Variants in PCSK2 observed in about 807,000 individuals in gnomAD.
PCSK2 encodes the protein neuroendocrine convertase 2.
A neutral mutation model predicts 69.7 loss-of-function variants in PCSK2; 14 were observed. The observed-to-expected ratio is 0.20, with a 90% CI of 0.13 to 0.31. PCSK2 has a LOEUF of 0.31. PCSK2 is among the 10% of genes least tolerant of loss of function. PCSK2 has a pLI of 1.00. For missense variants in PCSK2, 544 were observed against 842.5 expected (o/e 0.65, Z 4.39); for synonymous variants, 307 against 320.7 (o/e 0.96, Z 0.46).
At chr20:17,448,522 T>C (rs1426764628) in intron 8 of PCSK2, among the ~76,000 whole-genome samples, 1 of 152,184 alleles carries the variant, frequency 6.6e-6, no homozygotes, top group Non-Finnish European at 1.5e-5. Context: ...AAGTTCCAAC[T>C]CACTGCTCTC....
chr20:17,433,262 G>C (rs901380096), intron 7 of PCSK2, among the ~76,000 whole-genome samples: 7 of 152,112 alleles, frequency 4.6e-5, no homozygotes, highest in African/African-American at 1.7e-4. Context: ...ATTATTATTG[G>C]CCAATGAATC....
At chr20:17,333,910 C>CATATATATATATATATATCTAT (rs1990271673) in intron 2 of PCSK2, among the ~76,000 whole-genome samples, 1 of 86,372 alleles carries the variant, frequency 1.2e-5, no homozygotes, top group South Asian at 4.9e-4. Flanking sequence ...TAAGTCACTG[C>CATATATATATATATATATCTAT]ATATATATAT....
chr20:17,277,798 GA>G (rs1988146270), intron 2 of PCSK2, among the ~76,000 whole-genome samples: 1 of 151,860 alleles, frequency 6.6e-6, no homozygotes, highest in Admixed American at 6.6e-5. Flanking sequence ...CAGAATGGGA[GA>G]AAATTTTTGC....
At chr20:17,365,609 G>A (rs984325444) in intron 4 of PCSK2, among the ~76,000 whole-genome samples, 3 of 152,108 alleles carry the variant, frequency 2.0e-5, no homozygotes, top group Admixed American at 6.6e-5. Context: ...CTCAAGGTAC[G>A]ATTCATCCTG....
intron 8 of PCSK2, among the ~76,000 whole-genome samples, chr20:17,437,917 G>T (rs1008568118): frequency 6.6e-6 from 1 of 152,158 alleles, no homozygotes. Flanking sequence ...CTTGCCACGC[G>T]TGGCACAGCT....
chr20:17,409,234 G>C (rs2031818890), intron 5 of PCSK2, 29 bp from the exon 6 acceptor site: 1 of 1,584,020 alleles, frequency 6.3e-7, no homozygotes, highest in African/African-American at 1.3e-5. Context: ...TGGCTGTACG[G>C]ACCTAATGAG....
rs1286578961 is a variant in PCSK2 at position 17,248,990 on chromosome 20, TA to T, written c.178-11243del. 2.0e-5 allele frequency among the ~76,000 whole-genome samples: 3 copies of T among 151,988 alleles called. No individual in the cohort carries two copies. The East Asian group carries it at 5.8e-4, about 29-fold the overall frequency. On this transcript the variant is annotated intron_variant, in intron 1 of 11. Coordinates refer to ENST00000262545, the MANE Select transcript of PCSK2 (RefSeq NM_002594.5). ...ACCCCCTGAGCCACAGTGTCTTCTC[TA>T]AAAAAATGAGGCAGCTAGACCAAGC...
intron 11 of PCSK2, chr20:17,478,992 C>T (rs2033341481): frequency 1.3e-6 from 1 of 744,626 alleles, no homozygotes. Context: ...ATATTGCACA[C>T]TTGTCATCTA....
At chr20:17,418,744 G>A (rs960992187) in intron 6 of PCSK2, among the ~76,000 whole-genome samples, 1 of 152,146 alleles carries the variant, frequency 6.6e-6, no homozygotes, top group Non-Finnish European at 1.5e-5. Flanking sequence ...CATCCCACAG[G>A]TTCTTCAGGT....
intron 11 of PCSK2, among the ~76,000 whole-genome samples, chr20:17,478,675 C>T (rs2033335259): frequency 6.6e-6 from 1 of 152,162 alleles, no homozygotes; most frequent in Non-Finnish European, 1.5e-5. Flanking sequence ...AGCTAATTCT[C>T]ATCATTTTCT....
chr20:17,423,525 G>A (rs1011564765), intron 6 of PCSK2, among the ~76,000 whole-genome samples: 10 of 152,136 alleles, frequency 6.6e-5, no homozygotes, highest in South Asian at 2.1e-4. Context: ...AAAAGATCTG[G>A]AAAGGGCAGA....
At chr20:17,436,682 G>A (rs762376049) in intron 7 of PCSK2, 26 bp from the exon 8 acceptor site, 5 of 1,591,016 alleles carry the variant, frequency 3.1e-6, no homozygotes, top group Non-Finnish European at 4.3e-6. Context: ...CCCAAACATG[G>A]TGTCCTCTGC....
intron 5 of PCSK2, among the ~76,000 whole-genome samples, chr20:17,382,759 A>G (rs1247924467): frequency 3.9e-5 from 6 of 152,164 alleles, no homozygotes; most frequent in Non-Finnish European, 8.8e-5. Context: ...AGTGGAAGCC[A>G]TATCACTTCC....
intron 1 of PCSK2, among the ~76,000 whole-genome samples, chr20:17,246,651 T>C (rs1410602412): frequency 6.6e-6 from 1 of 152,154 alleles, no homozygotes; most frequent in Non-Finnish European, 1.5e-5. Flanking sequence ...TGGAAGTTAG[T>C]TGGGTCCAAC....
intron 2 of PCSK2, among the ~76,000 whole-genome samples, chr20:17,351,390 C>T (rs1011183579): frequency 1.3e-5 from 2 of 152,112 alleles, no homozygotes; most frequent in African/African-American, 4.8e-5. Flanking sequence ...GGTGAAGACA[C>T]AGTGAAAAAT....
intron 2 of PCSK2, among the ~76,000 whole-genome samples, chr20:17,337,437 C>A (rs1322407905): frequency 4.6e-5 from 7 of 152,144 alleles, no homozygotes; most frequent in Non-Finnish European, 7.4e-5. Context: ...GCCCTTGGAG[C>A]ACATTTTCAG....
At chr20:17,347,853 A>AAGG (rs1568612127) in intron 2 of PCSK2, among the ~76,000 whole-genome samples, 1 of 130,234 alleles carries the variant, frequency 7.7e-6, no homozygotes, top group African/African-American at 2.9e-5. Context: ...AGAAAGAAAG[A>AAGG]AAGAAAGAGG....
At position 17,260,453 on chromosome 20, in the gene PCSK2, A is replaced by G; in HGVS notation, c.282+109A>G. The stretch of plus-strand genomic sequence containing the variant: ...ATTTTGAAGTAAAGGCACTTAATGT[A>G]CTATGATAGGGCAAATGAATGCTTT... On this transcript the variant is annotated intron_variant, in intron 2 of 11. Transcript: ENST00000262545. The G allele has an allele frequency of 4.1e-6, 3 of 726,404 alleles. No individual in the cohort carries two copies. The South Asian group carries it at 4.5e-5, about 11-fold the overall frequency. 45.0% of individuals were successfully genotyped at this position (726,404 alleles called of 1,614,324 possible).
In PCSK2 at chr20:17,392,151, C is replaced by T. The variant is rs77344011; in HGVS notation, c.544-17112C>T. On this transcript the variant is annotated intron_variant, in intron 5 of 11. Transcript: ENST00000262545. ...TATTATGTTTTTCCTTGAATGGAGT[C>T]AAACACTTTCTAAACTCGAGAGAAT... is the stretch of plus-strand genomic sequence containing the variant. Among the ~76,000 whole-genome samples the T allele has an allele frequency of 4.3e-3, 654 of 152,232 alleles. 4 individuals are homozygous for T. Among genetic ancestry groups the T allele is most frequent in the African/African-American group, 0.014 (576 of 41,530 alleles).
Sources: allele counts gnomAD v4.1 joint callset (sites outside exome capture counted in the v4.1 genomes callset), GRCh38; gene constraint gnomAD v4.1.1; transcripts MANE v1.5; gene names NCBI Gene and HGNC (gene_info 2026-07-23, HGNC 2026-07-21).